SEPTIN9: variants seen among roughly 807,000 people sequenced by gnomAD.
SEPTIN9 encodes the protein septin-9.
SEPTIN9 carries 13 observed loss-of-function variants against 56.6 expected under a neutral mutation model. That is an observed-to-expected ratio of 0.23 (90% CI 0.15 to 0.37). SEPTIN9 has a LOEUF of 0.37. Among genes scored for constraint, SEPTIN9 ranks in the 10% least tolerant of loss-of-function variants. The pLI is 1.00. For missense variants in SEPTIN9, 650 were observed against 823.1 expected (o/e 0.79, Z 2.57); for synonymous variants, 332 against 334.1 (o/e 0.99, Z 0.07).
At chr17:77,334,411 G>A (rs1191300628) in intron 2 of SEPTIN9, among the ~76,000 whole-genome samples, 1 of 116,834 alleles carries the variant, frequency 8.6e-6, no homozygotes, top group African/African-American at 3.4e-5. Context: ...GACAGAGCAA[G>A]ACTCTGTCTC....
At chr17:77,395,845 A>G (rs2035694219) in intron 2 of SEPTIN9, among the ~76,000 whole-genome samples, 1 of 152,252 alleles carries the variant, frequency 6.6e-6, no homozygotes, top group Non-Finnish European at 1.5e-5. Context: ...ATATGGGTTT[A>G]GAAAATCTGC....
At position 77,482,551 on chromosome 17, in the gene SEPTIN9, A is replaced by G. The variant is rs957694350; in HGVS notation, c.913+216A>G. On this transcript the variant is annotated intron_variant, in intron 4 of 11. Coordinates refer to ENST00000427177, the MANE Select transcript of SEPTIN9 (RefSeq NM_001113491.2). The stretch of plus-strand genomic sequence containing the variant: ...CTCCTCAGAGGGGCCTGTCCTGCAC[A>G]TCCAGGGCCCCTGAGATGACTTTGG... The G allele has an allele frequency of 3.7e-5, 26 of 701,628 alleles. No homozygotes were observed. In the Admixed American group the frequency reaches 4.0e-4, roughly 11 times the overall value. The allele number at this position is 701,628 out of a possible 1,614,324, so 43.5% of individuals were successfully genotyped here. A position where few individuals can be genotyped will look rare whatever the true frequency, so the allele number is the denominator to read the frequency against.
intron 2 of SEPTIN9, chr17:77,376,279 G>A (rs996135067): frequency 4.1e-6 from 4 of 985,872 alleles, no homozygotes; most frequent in African/African-American, 3.5e-5. Context: ...CATGCCCGCC[G>A]GGAGTGCAGC....
chr17:77,486,819 A>G (rs937060129), intron 4 of SEPTIN9, among the ~76,000 whole-genome samples: 6 of 152,172 alleles, frequency 3.9e-5, no homozygotes, highest in Admixed American at 2.0e-4. Flanking sequence ...CCCCTAGCAC[A>G]TGGCCCCACA....
At chr17:77,426,574 G>A (rs566279793) in intron 3 of SEPTIN9, among the ~76,000 whole-genome samples, 1 of 152,266 alleles carries the variant, frequency 6.6e-6, no homozygotes, top group East Asian at 1.9e-4. Flanking sequence ...CCTGGAACAT[G>A]AGGGCTCATC....
chr17:77,415,693 G>A lies in SEPTIN9; in HGVS notation c.721+12990G>A, dbSNP rs539067256. 1.3e-4 allele frequency among the ~76,000 whole-genome samples: 20 copies of A among 152,142 alleles called. 1 individual carries two copies. The highest frequency in any genetic ancestry group is 4.3e-4 in the African/African-American group (18 of 41,506). On this transcript the variant is annotated intron_variant, in intron 3 of 11. Coordinates refer to ENST00000427177, the MANE Select transcript of SEPTIN9 (RefSeq NM_001113491.2). ...CTGCCCTGTGCCCGGCACCGAAGCC[G>A]AGGGAAGGCAGCATTAGTATGAGCT...
At chr17:77,478,466 C>G (rs542483409) in intron 3 of SEPTIN9, among the ~76,000 whole-genome samples, 5 of 152,288 alleles carry the variant, frequency 3.3e-5, no homozygotes, top group African/African-American at 9.6e-5. Context: ...CAGTAGCCAG[C>G]GGGTAGAAAC....
Position 77,402,691 on chromosome 17 carries a change from C to T in SEPTIN9, c.709C>T (p.Arg237Trp), listed in dbSNP as rs562811871. The T allele has an allele frequency of 3.8e-5, 60 of 1,589,028 alleles. No homozygotes were observed. The African/African-American group carries it at 3.8e-4, about 10-fold the overall frequency. Reference protein sequence around the residue: ...PQPPVAEATPRSQEATEAAPS... With the variant: ...PQPPVAEATPWSQEATEAAPS... ...GCCCCCTGTGGCTGAGGCTACACCC[C>T]GGAGCCAGGAGGGTGAGTCGCAGAG... is the stretch of plus-strand genomic sequence containing the variant. Residue 237 changes from arginine to tryptophan, a missense_variant, in exon 3 of 12, where the codon CGG (arginine) becomes TGG (tryptophan). Physicochemically the swap from Arg to Trp is moderately radical, Grantham distance 101. This residue lies in a region of SEPTIN9 where 317 missense variants were observed against 329.1 expected (regional missense o/e 0.96). Coordinates refer to ENST00000427177, the MANE Select transcript of SEPTIN9 (RefSeq NM_001113491.2). The surrounding 1 kb of genome is among the most constrained non-coding windows in gnomAD (Gnocchi z 6.6).
chr17:77,294,965 C>T (rs986407224), intron 1 of SEPTIN9: 1 of 152,158 alleles, frequency 6.6e-6, no homozygotes, highest in African/African-American at 2.4e-5. Context: ...AGTAACTGAA[C>T]TATACATGGA....
intron 3 of SEPTIN9, among the ~76,000 whole-genome samples, chr17:77,477,115 C>G (rs2039245733): frequency 1.3e-5 from 2 of 151,332 alleles, no homozygotes; most frequent in East Asian, 3.9e-4. Flanking sequence ...TCCCTGTTTC[C>G]TTCCCCCTCC....
intron 8 of SEPTIN9, among the ~76,000 whole-genome samples, chr17:77,491,641 T>TA (rs1170343090): frequency 1.3e-5 from 2 of 151,542 alleles, no homozygotes; most frequent in African/African-American, 4.8e-5. Flanking sequence ...CCATCTCTAC[T>TA]AAAAATACAA....
chr17:77,370,527 G>C (rs183935322), intron 2 of SEPTIN9, among the ~76,000 whole-genome samples: 27 of 152,282 alleles, frequency 1.8e-4, no homozygotes, highest in African/African-American at 6.5e-4. Flanking sequence ...TTTGTTTTGG[G>C]GGGGATCACC....
rs1274176642 is a variant in SEPTIN9 at position 77,450,597 on chromosome 17, A to G, written c.722-31547A>G. On this transcript the variant is annotated intron_variant, in intron 3 of 11. Coordinates refer to ENST00000427177, the MANE Select transcript of SEPTIN9 (RefSeq NM_001113491.2). The surrounding 1 kb of genome is among the most constrained non-coding windows in gnomAD (Gnocchi z 6.0). ...ATCCCAGCGTCCAGGCCCAGCCCCT[A>G]TAGTGTCAGCTCCCTCCTCTGGGGA... The G allele has an allele frequency of 3.0e-6, 3 of 985,550 alleles. No homozygotes were observed. The highest frequency in any genetic ancestry group is 2.4e-6 in the Non-Finnish European group (2 of 830,160). The allele number at this position is 985,550 out of a possible 1,614,324, so 61.1% of individuals were successfully genotyped here. A position where few individuals can be genotyped will look rare whatever the true frequency, so the allele number is the denominator to read the frequency against.
Position 77,308,917 on chromosome 17 carries a change from G to C in SEPTIN9, c.76+1720G>C, listed in dbSNP as rs12453335. Among the ~76,000 whole-genome samples the C allele has an allele frequency of 5.2e-3, 792 of 152,206 alleles. 6 individuals carry two copies. The highest frequency in any genetic ancestry group is 6.8e-3 in the Non-Finnish European group (465 of 68,000). ...AGGATGGGACTGTATGTGGGAAGAG[G>C]GGGGTGATGCTCTGGCTGGAGGCCC... On this transcript the variant is annotated intron_variant, in intron 2 of 11. Coordinates refer to ENST00000427177, the MANE Select transcript of SEPTIN9 (RefSeq NM_001113491.2).
rs940035620 is a variant in SEPTIN9 at position 77,367,392 on chromosome 17, C to T, written c.77-34667C>T. 1.4e-4 allele frequency among the ~76,000 whole-genome samples: 22 copies of T among 152,188 alleles called. No individual in the cohort carries two copies. The highest frequency in any genetic ancestry group is 5.9e-5 in the Non-Finnish European group (4 of 68,032). The stretch of plus-strand genomic sequence containing the variant: ...GGCTCATGCCCCATCAGGAGTCTCC[C>T]GACTCTGCCATTCTGCAAAGGAAAC... On this transcript the variant is annotated intron_variant, in intron 2 of 11. Coordinates refer to ENST00000427177, the MANE Select transcript of SEPTIN9 (RefSeq NM_001113491.2). This position sits in a 1 kb window ranked among gnomAD's most constrained non-coding sequence, Gnocchi z 4.5.
intron 3 of SEPTIN9, among the ~76,000 whole-genome samples, chr17:77,413,087 CGTGTGTGTGTGTGTGTGT>C (rs3047410): frequency 6.9e-6 from 1 of 143,918 alleles, no homozygotes; most frequent in Non-Finnish European, 1.5e-5. Flanking sequence ...GCGGGTGGGG[CGTGTGTGTGTGTGTGTGT>C]GTGTGTGTGT....
At position 77,433,065 on chromosome 17, in the gene SEPTIN9, G is replaced by C. The variant is rs539435840; in HGVS notation, c.721+30362G>C. ...CGCTGTGCTCTCAGCTGCTCCGACA[G>C]GATGCTTTTGGCCTGAGAGACAGAA... On this transcript the variant is annotated intron_variant, in intron 3 of 11. Transcript: ENST00000427177. The surrounding 1 kb of genome is among the most constrained non-coding windows in gnomAD (Gnocchi z 6.4). Among the ~76,000 whole-genome samples the C allele has an allele frequency of 6.6e-6, 1 of 152,168 alleles. No individual in the cohort carries two copies. Among genetic ancestry groups the C allele is most frequent in the Non-Finnish European group, 1.5e-5 (1 of 68,016 alleles).
intron 3 of SEPTIN9, among the ~76,000 whole-genome samples, chr17:77,411,420 C>A (rs1490878658): frequency 6.1e-5 from 9 of 147,198 alleles, no homozygotes; most frequent in African/African-American, 2.3e-4. Flanking sequence ...TTTGACAGAG[C>A]GTGGCCCAGG....
At chr17:77,440,601 C>A (rs919569427) in intron 3 of SEPTIN9, among the ~76,000 whole-genome samples, 2 of 152,362 alleles carry the variant, frequency 1.3e-5, no homozygotes, top group South Asian at 2.1e-4. Flanking sequence ...GCGTCCCAAG[C>A]GGACAGCTGC....
Sources: gnomAD v4.1 joint callset for allele counts (sites outside exome capture counted in the v4.1 genomes callset) on GRCh38, gnomAD v4.1.1 for gene constraint, gnomAD v4.1.1 regional missense constraint, Gnocchi (gnomAD v3.1) non-coding constraint, MANE v1.5 for transcripts, NCBI Gene and HGNC (gene_info 2026-07-23, HGNC 2026-07-21) for gene names.